EDNRB: variants seen among roughly 807,000 people sequenced by gnomAD.
The protein encoded by EDNRB is Hirschsprung disease 2.
Under a neutral mutation model 46.4 loss-of-function variants are expected in EDNRB, and 18 were observed. The observed-to-expected ratio is 0.39, with a 90% CI of 0.27 to 0.57. EDNRB has a LOEUF of 0.57. EDNRB is among the 20% of genes least tolerant of loss of function. EDNRB has a pLI of 0.61. For missense variants in EDNRB, 434 were observed against 537.5 expected (o/e 0.81, Z 1.90); for synonymous variants, 213 against 204.9 (o/e 1.04, Z -0.34).
chr13:77,953,495 C>G (rs1326092481), intron 1 of EDNRB, among the ~76,000 whole-genome samples: 1 of 152,050 alleles, frequency 6.6e-6, no homozygotes, highest in African/African-American at 2.4e-5. Context: ...GGATTAGCCA[C>G]CTACAACCAG....
chr13:77,933,417 T>C (rs1880460228), intron 1 of EDNRB, among the ~76,000 whole-genome samples: 1 of 151,550 alleles, frequency 6.6e-6, no homozygotes, highest in South Asian at 2.1e-4. Context: ...CGGGCAGGAG[T>C]AGGGGTCACA....
intron 1 of EDNRB, among the ~76,000 whole-genome samples, chr13:77,954,586 A>C (rs533425574): frequency 9.1e-4 from 138 of 151,936 alleles, no homozygotes; most frequent in Non-Finnish European, 1.7e-3. Context: ...ATCTCGGCTC[A>C]CTGCCATCTT....
Position 77,896,378 on chromosome 13 carries a change from T to C in EDNRB, c.*1822A>G. The C allele has an allele frequency of 6.7e-7, 1 of 1,495,784 alleles. No individual in the cohort carries two copies. The highest frequency in any genetic ancestry group is 8.9e-7 in the Non-Finnish European group (1 of 1,125,570). 92.7% of individuals were successfully genotyped at this position (1,495,784 alleles called of 1,614,324 possible). A position where few individuals can be genotyped will look rare whatever the true frequency, so the allele number is the denominator to read the frequency against. On this transcript the variant is annotated 3_prime_UTR_variant, in exon 7 of 7. Coordinates refer to ENST00000646607, the MANE Select transcript of EDNRB (RefSeq NM_001122659.3). ...TGATAACAGGCCTCTGAAAAAGTGA[T>C]TGGGATGAAATTAAAGAACAAGTTT...
At chr13:77,968,207 C>A (rs1881634083) in intron 1 of EDNRB, among the ~76,000 whole-genome samples, 1 of 142,444 alleles carries the variant, frequency 7.0e-6, no homozygotes, top group South Asian at 2.2e-4. Context: ...AGGTTAGAAA[C>A]CAATGTTTGA....
chr13:77,896,752 G>A lies in EDNRB; in HGVS notation c.*1448C>T. The A allele has an allele frequency of 7.3e-7, 1 of 1,360,640 alleles. No homozygotes were observed. The highest frequency in any genetic ancestry group is 9.4e-7 in the Non-Finnish European group (1 of 1,059,804). 84.3% of individuals were successfully genotyped at this position (1,360,640 alleles called of 1,614,324 possible). A position where few individuals can be genotyped will look rare whatever the true frequency, so the allele number is the denominator to read the frequency against. ...TAAGAATGGGAATCTGTCCCCATGG[G>A]TTTCCTCCAACCCCACCTCATTTCC... On this transcript the variant is annotated 3_prime_UTR_variant, in exon 7 of 7. Transcript: ENST00000646607.
upstream of EDNRB, chr13:77,919,247 G>T (rs1335954356): frequency 2.4e-5 from 20 of 822,134 alleles, no homozygotes; most frequent in Non-Finnish European, 3.7e-5. Flanking sequence ...AAACACTCGC[G>T]CTCCTTCCTT....
At chr13:77,953,324 A>G (rs1298014909) in intron 1 of EDNRB, among the ~76,000 whole-genome samples, 2 of 151,940 alleles carry the variant, frequency 1.3e-5, no homozygotes, top group South Asian at 2.1e-4. Context: ...GAAGATATAT[A>G]TTACATATGT....
chr13:77,919,858 C>G (rs1413002546), upstream of EDNRB: 1 of 501,970 alleles, frequency 2.0e-6, no homozygotes. Context: ...CAGACTAGAA[C>G]AAGGCTCTGC....
At chr13:77,947,505 A>AT (rs984466470) in intron 1 of EDNRB, 6 of 151,564 alleles carry the variant, frequency 4.0e-5, no homozygotes, top group African/African-American at 7.3e-5. Flanking sequence ...TTTTATTTTT[A>AT]TTTTTTTTAG....
At chr13:77,903,919 A>G (rs1394739331) in intron 1 of EDNRB, among the ~76,000 whole-genome samples, 1 of 151,952 alleles carries the variant, frequency 6.6e-6, no homozygotes, top group Non-Finnish European at 1.5e-5. Flanking sequence ...TTGAACCTGT[A>G]TACTGTCATG....
intron 1 of EDNRB, among the ~76,000 whole-genome samples, chr13:77,934,198 A>G (rs1029821433): frequency 6.6e-6 from 1 of 152,182 alleles, no homozygotes; most frequent in African/African-American, 2.4e-5. Context: ...AGGAGTGTCC[A>G]TACAGGAGCT....
intron 1 of EDNRB, among the ~76,000 whole-genome samples, chr13:77,973,559 A>G (rs1594406661): frequency 6.6e-6 from 1 of 152,120 alleles, no homozygotes; most frequent in Non-Finnish European, 1.5e-5. Context: ...TAACATTTTA[A>G]AACTTGATTA....
chr13:77,936,138 T>C (rs9565373), intron 1 of EDNRB, among the ~76,000 whole-genome samples: 53,095 of 151,778 alleles, frequency 0.35, 11,292 homozygotes, highest in Non-Finnish European at 0.49. Flanking sequence ...GATCAGTCGC[T>C]AAGGAGGGAG....
chr13:77,919,515 G>T, upstream of EDNRB: 1 of 1,612,800 alleles, frequency 6.2e-7, no homozygotes, highest in Non-Finnish European at 8.5e-7. Flanking sequence ...TGAGCTGCAG[G>T]CGGGTCCGGC....
At chr13:77,964,463 T>A (rs1226212245) in intron 1 of EDNRB, among the ~76,000 whole-genome samples, 1 of 152,138 alleles carries the variant, frequency 6.6e-6, no homozygotes, top group African/African-American at 2.4e-5. Flanking sequence ...AAACGATAAG[T>A]TCATGTCCTT....
Position 77,935,434 on chromosome 13 carries a change from G to A in EDNRB, c.-51-16810C>T, listed in dbSNP as rs548474052. 3.0e-3 allele frequency among the ~76,000 whole-genome samples: 458 copies of A among 152,278 alleles called. 1 individual carries two copies. Among genetic ancestry groups the A allele is most frequent in the Non-Finnish European group, 4.4e-3 (298 of 68,020 alleles). On this transcript the variant is annotated intron_variant, in intron 1 of 7. Transcript: ENST00000646948. ...AGTGGGGAAAGGATTTAGGATCTAT[G>A]GGGTCAGCTAGGTTTCTTTTTGTGA...
chr13:77,918,076 G>A lies in EDNRB; in HGVS notation c.483+15C>T, dbSNP rs936183003. On this transcript the variant is annotated intron_variant, in intron 1 of 6. Transcript: ENST00000646607. This position sits in a 1 kb window ranked among gnomAD's most constrained non-coding sequence, Gnocchi z 4.5. ...CTTCCTCAAGCCCACCATGATTTCAGCAGGCGCCCTTTACCTTGTAGACAT... is the reference window on the plus strand; with the variant it reads ...CTTCCTCAAGCCCACCATGATTTCAACAGGCGCCCTTTACCTTGTAGACAT... 14 of 1,613,802 alleles carry A rather than the reference G, an allele frequency of 8.7e-6. No homozygotes were observed. The highest frequency in any genetic ancestry group is 1.7e-4 in the Middle Eastern group (1 of 5,878).
In EDNRB at chr13:77,895,751, T is replaced by G. The variant is rs1206769139; in HGVS notation, c.*2449A>C. 2 of 152,052 alleles carry G rather than the reference T, an allele frequency of 1.3e-5. No individual in the cohort carries two copies. The highest frequency in any genetic ancestry group is 2.9e-5 in the Non-Finnish European group (2 of 67,948). 9.4% of individuals were successfully genotyped at this position (152,052 alleles called of 1,614,324 possible). On this transcript the variant is annotated 3_prime_UTR_variant, in exon 7 of 7. Transcript: ENST00000646607. ...CTCCCAGATATATAATTTTTTACAT[T>G]GTTATATTACACTTTTATAAAGTTA... is the stretch of plus-strand genomic sequence containing the variant.
chr13:77,929,073 G>A (rs971716187), intron 1 of EDNRB, among the ~76,000 whole-genome samples: 1 of 152,172 alleles, frequency 6.6e-6, no homozygotes, highest in Non-Finnish European at 1.5e-5. Context: ...CAAAAGGTTA[G>A]TGATTCATTT....
Sources: gnomAD v4.1 joint callset for allele counts (sites outside exome capture counted in the v4.1 genomes callset) on GRCh38, gnomAD v4.1.1 for gene constraint, Gnocchi (gnomAD v3.1) non-coding constraint, MANE v1.5 for transcripts, NCBI Gene and HGNC (gene_info 2026-07-23, HGNC 2026-07-21) for gene names.